Variants in NRCAM observed in about 807,000 individuals in gnomAD.
The protein encoded by NRCAM is NgCAM-related cell adhesion molecule.
Under a neutral mutation model 156.5 loss-of-function variants are expected in NRCAM, and 83 were observed. The observed-to-expected ratio is 0.53, with a 90% CI of 0.44 to 0.64. The LOEUF is 0.64. Among genes scored for constraint, NRCAM ranks in the 30% least tolerant of loss-of-function variants. The probability of loss-of-function intolerance (pLI) is 0.00; values close to 1 mark genes in which losing one functional copy is unlikely to be tolerated. For missense variants in NRCAM, 1,417 were observed against 1,597.3 expected, an observed-to-expected ratio of 0.89 and a Z score of 1.92; for synonymous variants, 538 against 563.9, an observed-to-expected ratio of 0.95 and a Z score of 0.65.
chr7:108,418,560 TACACACACACACACACACACACACAC>T (rs59582056), intron 1 of NRCAM, among the ~76,000 whole-genome samples: 2 of 143,624 alleles, frequency 1.4e-5, no homozygotes, highest in Admixed American at 7.0e-5. Context: ...ATACATATTA[TACACACACACACACACACACACACAC>T]ACACACACAC....
chr7:108,250,009 G>A (rs527823592), intron 3 of NRCAM, among the ~76,000 whole-genome samples: 2 of 152,228 alleles, frequency 1.3e-5, no homozygotes, highest in South Asian at 4.1e-4. Flanking sequence ...GCACTCCCAT[G>A]TTTGTTGCAA....
At chr7:108,414,356 G>A (rs928519532) in intron 1 of NRCAM, among the ~76,000 whole-genome samples, 1 of 152,126 alleles carries the variant, frequency 6.6e-6, no homozygotes, top group African/African-American at 2.4e-5. Flanking sequence ...GGCTTCCCCC[G>A]TTCCCTCACT....
chr7:108,265,085 T>G (rs1018718335), intron 3 of NRCAM, among the ~76,000 whole-genome samples: 1 of 152,152 alleles, frequency 6.6e-6, no homozygotes, highest in Non-Finnish European at 1.5e-5. Context: ...TGAAAGATGT[T>G]CAGAGCTGAG....
intron 2 of NRCAM, among the ~76,000 whole-genome samples, chr7:108,318,705 TG>T (rs1232894575): frequency 3.9e-5 from 6 of 152,146 alleles, no homozygotes; most frequent in African/African-American, 1.4e-4. Context: ...AGATGACCCC[TG>T]GTTCTGAATA....
At chr7:108,193,396 T>G (rs1476220464) in intron 17 of NRCAM, among the ~76,000 whole-genome samples, 4 of 152,128 alleles carry the variant, frequency 2.6e-5, no homozygotes, top group African/African-American at 9.7e-5. Context: ...TAATAGAGAG[T>G]GAGGCCTATA....
intron 2 of NRCAM, among the ~76,000 whole-genome samples, chr7:108,315,410 C>T (rs1410731856): frequency 6.6e-6 from 1 of 152,160 alleles, no homozygotes; most frequent in African/African-American, 2.4e-5. Flanking sequence ...GCCTGTCATC[C>T]AGCCGCTAAT....
chr7:108,239,313 T>C (rs555641162), intron 4 of NRCAM, among the ~76,000 whole-genome samples: 8 of 152,324 alleles, frequency 5.3e-5, no homozygotes, highest in African/African-American at 1.7e-4. Flanking sequence ...TTTTTAGCAG[T>C]TGCATTTTGG....
intron 5 of NRCAM, among the ~76,000 whole-genome samples, chr7:108,236,468 G>A (rs1197666119): frequency 6.6e-6 from 1 of 151,464 alleles, no homozygotes; most frequent in Non-Finnish European, 1.5e-5. Context: ...TTCTAGCCTT[G>A]TCAGTTTCCA....
chr7:108,301,188 T>G (rs2154151951), intron 3 of NRCAM, among the ~76,000 whole-genome samples: 1 of 152,366 alleles, frequency 6.6e-6, no homozygotes, highest in South Asian at 2.1e-4. Context: ...TGTTATTGCA[T>G]ATCTGAACAA....
At chr7:108,159,627 G>T (rs2047627698) in intron 31 of NRCAM, 86 bp from the exon 32 acceptor site, 1 of 992,578 alleles carries the variant, frequency 1.0e-6, no homozygotes, top group Non-Finnish European at 1.6e-6. Context: ...GAGATATACA[G>T]CAGTGAAAAA....
At position 108,382,221 on chromosome 7, in the gene NRCAM, GA is replaced by G. The variant is rs2099704683; in HGVS notation, c.-174+17214del. Reference sequence around the variant, plus strand: ...AGATTTTGCTTTCCAGAGGAACAGAGATTTTTTTTTTTTTTGAATGTAGAAA... The same window carrying G: ...AGATTTTGCTTTCCAGAGGAACAGAGTTTTTTTTTTTTTTGAATGTAGAAA... On this transcript the variant is annotated intron_variant, in intron 2 of 32. Coordinates refer to ENST00000379028, the MANE Select transcript of NRCAM (RefSeq NM_001037132.4). 2.4e-5 allele frequency among the ~76,000 whole-genome samples: 3 copies of G among 126,808 alleles called. No individual in the cohort carries two copies. In the Admixed American group the frequency reaches 2.4e-4, roughly 10 times the overall value. The allele number at this position is 126,808 out of a possible 152,430, so 83.2% of individuals were successfully genotyped here.
intron 3 of NRCAM, among the ~76,000 whole-genome samples, chr7:108,300,086 T>C (rs114645871): frequency 0.012 from 1,869 of 151,168 alleles, 42 homozygotes; most frequent in African/African-American, 0.043. Flanking sequence ...CAGGTATCAC[T>C]AGGAATATCT....
chr7:108,451,977 C>T (rs1850890423), intron 1 of NRCAM, among the ~76,000 whole-genome samples: 1 of 152,172 alleles, frequency 6.6e-6, no homozygotes, highest in Non-Finnish European at 1.5e-5. Flanking sequence ...CAATAAAAAA[C>T]TTAGCAAAAA....
intron 2 of NRCAM, among the ~76,000 whole-genome samples, chr7:108,378,092 T>A (rs1448841784): frequency 6.6e-6 from 1 of 152,098 alleles, no homozygotes; most frequent in Non-Finnish European, 1.5e-5. Flanking sequence ...TTTTAAAAAA[T>A]TTGAATTACA....
At chr7:108,428,948 TTC>T (rs1308783254) in intron 1 of NRCAM, among the ~76,000 whole-genome samples, 33 of 145,884 alleles carry the variant, frequency 2.3e-4, no homozygotes, top group South Asian at 4.4e-4. Flanking sequence ...TTTTCTTTTC[TTC>T]TTTTTTTTTT....
chr7:108,384,533 T>C (rs992679557), intron 2 of NRCAM, among the ~76,000 whole-genome samples: 1 of 152,150 alleles, frequency 6.6e-6, no homozygotes, highest in East Asian at 1.9e-4. Flanking sequence ...GGAAAGGAGA[T>C]TTGGCAGAGG....
intron 2 of NRCAM, among the ~76,000 whole-genome samples, chr7:108,394,048 A>G (rs971487286): frequency 3.9e-5 from 6 of 152,134 alleles, no homozygotes; most frequent in African/African-American, 1.4e-4. Context: ...GCCTCAGCCA[A>G]CCTTTCAGGT....
chr7:108,353,814 C>T (rs1228933073), intron 2 of NRCAM, among the ~76,000 whole-genome samples: 3 of 152,224 alleles, frequency 2.0e-5, no homozygotes, highest in African/African-American at 7.2e-5. Context: ...TTGTGCAAAG[C>T]ACTTTACAAG....
intron 3 of NRCAM, among the ~76,000 whole-genome samples, chr7:108,273,097 A>G (rs1270003151): frequency 3.3e-5 from 5 of 152,188 alleles, no homozygotes; most frequent in African/African-American, 9.6e-5. Context: ...TTATGGCTGC[A>G]TAGCATTCCA....
Sources: gnomAD v4.1 joint callset for allele counts (sites outside exome capture counted in the v4.1 genomes callset) on GRCh38, gnomAD v4.1.1 for gene constraint, MANE v1.5 for transcripts, NCBI Gene and HGNC (gene_info 2026-07-23, HGNC 2026-07-21) for gene names.